The following GRID2 variants were observed in gnomAD, a reference collection of about 807,000 sequenced individuals.
GRID2 encodes glutamate ionotropic receptor delta type subunit 2.
In GRID2, 33 loss-of-function variants were observed where a neutral mutation model predicts 114.8. The observed-to-expected ratio is 0.29, with a 90% CI of 0.22 to 0.38. The LOEUF (loss-of-function observed/expected upper bound fraction) is 0.38. Ranked by LOEUF, GRID2 falls within the 10% of genes least tolerant of loss-of-function variation. The pLI is 1.00. For missense variants in GRID2, 1,184 were observed against 1,257.7 expected, an observed-to-expected ratio of 0.94 and a Z score of 0.89; for synonymous variants, 505 against 449.9, an observed-to-expected ratio of 1.12 and a Z score of -1.55.
chr4:93,471,860 C>T (rs1358106373), intron 11 of GRID2, among the ~76,000 whole-genome samples: 3 of 149,318 alleles, frequency 2.0e-5, no homozygotes. Context: ...ACCACCACGC[C>T]AGCTAATTTT....
chr4:93,365,174 C>A (rs1204193598), intron 8 of GRID2, among the ~76,000 whole-genome samples: 1 of 152,068 alleles, frequency 6.6e-6, no homozygotes, highest in Non-Finnish European at 1.5e-5. Flanking sequence ...TATGTACTAC[C>A]TCTGAGACTT....
At chr4:92,483,970 AAAG>A (rs1285609843) in intron 1 of GRID2, among the ~76,000 whole-genome samples, 1 of 152,138 alleles carries the variant, frequency 6.6e-6, no homozygotes, top group Non-Finnish European at 1.5e-5. Flanking sequence ...ATGGCATAGG[AAAG>A]AAGATTAAAC....
At chr4:92,688,718 C>T (rs982325661) in intron 2 of GRID2, among the ~76,000 whole-genome samples, 4 of 152,242 alleles carry the variant, frequency 2.6e-5, no homozygotes, top group African/African-American at 9.6e-5. Context: ...CAAAGTCATC[C>T]ATGTGGATTG....
chr4:93,106,357 A>T (rs1311138580), intron 3 of GRID2, among the ~76,000 whole-genome samples: 1 of 151,860 alleles, frequency 6.6e-6, no homozygotes, highest in African/African-American at 2.4e-5. Flanking sequence ...TTTATTTTTT[A>T]TTTTTTTGAC....
At chr4:93,479,620 C>T (rs1725660591) in intron 11 of GRID2, among the ~76,000 whole-genome samples, 1 of 152,070 alleles carries the variant, frequency 6.6e-6, no homozygotes, top group Admixed American at 6.6e-5. Context: ...TCCTGGAGTC[C>T]CTAGGCCAGA....
chr4:93,388,947 C>G (rs1009851235), intron 8 of GRID2, among the ~76,000 whole-genome samples: 2 of 152,114 alleles, frequency 1.3e-5, no homozygotes, highest in African/African-American at 4.8e-5. Flanking sequence ...TTTGAGGTAT[C>G]TAAGCAGAGA....
intron 12 of GRID2, among the ~76,000 whole-genome samples, chr4:93,509,294 G>A (rs1195591302): frequency 1.3e-5 from 2 of 152,142 alleles, no homozygotes; most frequent in East Asian, 1.9e-4. Flanking sequence ...CAAAATTTAG[G>A]AGGTAAAATA....
chr4:92,680,826 G>A lies in GRID2; in HGVS notation c.244+90540G>A, dbSNP rs114742599. On this transcript the variant is annotated intron_variant, in intron 2 of 15. Coordinates refer to ENST00000282020, the MANE Select transcript of GRID2 (RefSeq NM_001510.4). The stretch of plus-strand genomic sequence containing the variant: ...AAAGAGAATCACAAAAGAAAAATGA[G>A]ATTTCTGTCCCAGAGATACTTAGGT... Among the ~76,000 whole-genome samples the A allele has an allele frequency of 8.5e-3, 1,288 of 152,218 alleles. 17 individuals carry two copies. The highest frequency in any genetic ancestry group is 0.029 in the African/African-American group (1,223 of 41,536).
intron 2 of GRID2, among the ~76,000 whole-genome samples, chr4:92,942,533 A>T (rs924345867): frequency 3.9e-5 from 6 of 152,102 alleles, no homozygotes; most frequent in South Asian, 2.1e-4. Flanking sequence ...AATTTGCCAG[A>T]CTGTGTCTTT....
intron 2 of GRID2, among the ~76,000 whole-genome samples, chr4:93,059,202 A>G (rs2149290548): frequency 6.6e-6 from 1 of 152,284 alleles, no homozygotes; most frequent in Middle Eastern, 3.4e-3. Context: ...AAACATAATT[A>G]AGGCAAATGA....
At chr4:92,887,900 T>G (rs560630332) in intron 2 of GRID2, among the ~76,000 whole-genome samples, 1 of 152,238 alleles carries the variant, frequency 6.6e-6, no homozygotes, top group African/African-American at 2.4e-5. Context: ...TTTTATACCA[T>G]GTTCTCTCGC....
chr4:92,936,726 C>T (rs537160043), intron 2 of GRID2, among the ~76,000 whole-genome samples: 2 of 146,250 alleles, frequency 1.4e-5, no homozygotes, highest in South Asian at 4.6e-4. Flanking sequence ...AAGTTTGCCT[C>T]ATCAATTTTT....
chr4:93,497,104 T>A (rs1425206290), intron 12 of GRID2, among the ~76,000 whole-genome samples: 5 of 151,662 alleles, frequency 3.3e-5, no homozygotes. Context: ...TCATTGTGGT[T>A]TTAATTTCTA....
At chr4:93,299,178 G>A (rs944710418) in intron 8 of GRID2, among the ~76,000 whole-genome samples, 2 of 152,068 alleles carry the variant, frequency 1.3e-5, no homozygotes, top group Non-Finnish European at 2.9e-5. Context: ...ATCAGTCGTG[G>A]GCTATTCCCA....
chr4:93,486,685 T>A (rs945452535), intron 11 of GRID2, among the ~76,000 whole-genome samples: 2 of 151,686 alleles, frequency 1.3e-5, no homozygotes, highest in Non-Finnish European at 3.0e-5. Flanking sequence ...CAAACCAATC[T>A]TGCTGTCCTA....
At chr4:93,006,953 A>G (rs935720413) in intron 2 of GRID2, among the ~76,000 whole-genome samples, 19 of 152,028 alleles carry the variant, frequency 1.2e-4, no homozygotes, top group Non-Finnish European at 7.4e-5. Context: ...CCTGTCTTAA[A>G]TATATTTTTA....
At chr4:93,469,252 G>A (rs1724572056) in intron 11 of GRID2, among the ~76,000 whole-genome samples, 1 of 151,960 alleles carries the variant, frequency 6.6e-6, no homozygotes, top group Admixed American at 6.6e-5. Context: ...TTCTTTCTGG[G>A]AAGAATAAAT....
intron 2 of GRID2, among the ~76,000 whole-genome samples, chr4:92,650,094 T>C (rs973670784): frequency 6.6e-6 from 1 of 152,048 alleles, no homozygotes; most frequent in Non-Finnish European, 1.5e-5. Flanking sequence ...CAATATCTAT[T>C]ACATTTCATA....
At chr4:93,254,165 T>G (rs146915145) in intron 8 of GRID2, among the ~76,000 whole-genome samples, 97 of 152,192 alleles carry the variant, frequency 6.4e-4, no homozygotes, top group African/African-American at 2.1e-3. Context: ...GTGCAAAAAA[T>G]GGCTTTTACT....
Sources: allele counts gnomAD v4.1 joint callset (sites outside exome capture counted in the v4.1 genomes callset), GRCh38; gene constraint gnomAD v4.1.1; transcripts MANE v1.5; gene names NCBI Gene and HGNC (gene_info 2026-07-23, HGNC 2026-07-21).